FAR1: variants seen among roughly 807,000 people sequenced by gnomAD.
FAR1 encodes male sterility domain-containing protein 2.
A neutral mutation model predicts 61.1 loss-of-function variants in FAR1; 22 were observed. That is an observed-to-expected ratio of 0.36 (90% CI 0.26 to 0.51). FAR1 has a LOEUF of 0.51. FAR1 is among the 20% of genes least tolerant of loss of function. The pLI is 0.95. For synonymous variants in FAR1, 206 were observed against 209.7 expected, an observed-to-expected ratio of 0.98 and a Z score of 0.15; for missense variants, 359 against 626.9, an observed-to-expected ratio of 0.57 and a Z score of 4.56.
chr11:13,725,801 C>T (rs533002856), intron 10 of FAR1, among the ~76,000 whole-genome samples: 1 of 152,152 alleles, frequency 6.6e-6, no homozygotes, highest in East Asian at 1.9e-4. Flanking sequence ...TTTTTATTTT[C>T]AGTCTGACAA....
rs146203406 is a variant in FAR1, at chr11:13,681,904, T to C, written c.-7-12855T>C. On this transcript the variant is annotated intron_variant, in intron 1 of 11. Coordinates refer to ENST00000354817, the MANE Select transcript of FAR1 (RefSeq NM_032228.6). The stretch of plus-strand genomic sequence containing the variant: ...TAAATTCTGTGCTTTTTTATTATTA[T>C]TATTATATCAAGTTTTTGAACAAAG... Among the ~76,000 whole-genome samples the C allele has an allele frequency of 2.1e-3, 320 of 152,302 alleles. 2 individuals carry two copies. The highest frequency in any genetic ancestry group is 7.4e-3 in the African/African-American group (309 of 41,554).
intron 1 of FAR1, among the ~76,000 whole-genome samples, chr11:13,675,247 A>C (rs983948175): frequency 6.6e-6 from 1 of 152,176 alleles, no homozygotes; most frequent in South Asian, 2.1e-4. Context: ...GAGACTGTAC[A>C]TATGTGAAAC....
intron 3 of FAR1, among the ~76,000 whole-genome samples, chr11:13,701,600 CT>C (rs934941103): frequency 2.6e-5 from 4 of 152,106 alleles, no homozygotes; most frequent in South Asian, 2.1e-4. Context: ...ATTATTCCCC[CT>C]ATTGTCTTTA....
intron 1 of FAR1, among the ~76,000 whole-genome samples, chr11:13,670,548 T>C (rs1323796960): frequency 6.6e-6 from 1 of 152,154 alleles, no homozygotes; most frequent in Middle Eastern, 3.2e-3. Flanking sequence ...CGCCTCGGCC[T>C]CCCAAAGTGC....
Position 13,711,794 on chromosome 11 carries a change from G to A in FAR1, c.754G>A (p.Gly252Ser). The A allele has an allele frequency of 6.2e-7, 1 of 1,600,900 alleles. No individual in the cohort carries two copies. Among genetic ancestry groups the A allele is most frequent in the Non-Finnish European group, 8.5e-7 (1 of 1,175,314 alleles). ...GATTGATAACTTTAATGGACCAAGT[G>A]GTCTCTTTATTGCGGTAAGTAAACC... is the stretch of plus-strand genomic sequence containing the variant. The part of the protein sequence containing the change: ...GWIDNFNGPS[G>S]LFIAAGKGIL... The change falls in exon 6 of 12, where the codon GGT becomes AGT. Residue 252 changes from glycine (G) to serine (S), a missense_variant. This residue lies in a region of FAR1 where 344 missense variants were observed against 570.3 expected (regional missense o/e 0.60). Coordinates refer to ENST00000354817, the MANE Select transcript of FAR1 (RefSeq NM_032228.6).
At position 13,697,852 on chromosome 11, in the gene FAR1, C is replaced by T. The variant is rs142143487; in HGVS notation, c.190-2465C>T. On this transcript the variant is annotated intron_variant, in intron 2 of 11. Transcript: ENST00000354817. ...GGATTGATATTCTTCAAGTTTCAGG[C>T]TTAGGCCTTGTTTTCTCACTAGGTC... Among the ~76,000 whole-genome samples, 18 of 152,242 alleles carry T rather than the reference C, an allele frequency of 1.2e-4. 1 individual carries two copies. The Middle Eastern group carries it at 0.01, about 86-fold the overall frequency.
At chr11:13,681,340 T>G (rs1404654410) in intron 1 of FAR1, among the ~76,000 whole-genome samples, 1 of 152,180 alleles carries the variant, frequency 6.6e-6, no homozygotes, top group East Asian at 1.9e-4. Context: ...TAACAGGCAG[T>G]TACTTGATGC....
At chr11:13,693,166 C>A (rs1225392583) in intron 1 of FAR1, among the ~76,000 whole-genome samples, 5 of 152,136 alleles carry the variant, frequency 3.3e-5, no homozygotes, top group Non-Finnish European at 7.3e-5. Context: ...ACATAAAATA[C>A]ACTGACACTA....
intron 8 of FAR1, among the ~76,000 whole-genome samples, chr11:13,713,368 A>C (rs1017143766): frequency 6.7e-6 from 1 of 149,756 alleles, no homozygotes; most frequent in Non-Finnish European, 1.5e-5. Flanking sequence ...CTCAGTCTTG[A>C]TGTTGCCTAT....
At chr11:13,670,303 T>TTG (rs1449583068) in intron 1 of FAR1, among the ~76,000 whole-genome samples, 3 of 150,212 alleles carry the variant, frequency 2.0e-5, no homozygotes, top group East Asian at 2.0e-4. Context: ...TTTTATAAAT[T>TTG]TGTGTGTGTG....
At chr11:13,686,156 G>T (rs574196767) in intron 1 of FAR1, among the ~76,000 whole-genome samples, 1 of 152,138 alleles carries the variant, frequency 6.6e-6, no homozygotes, top group African/African-American at 2.4e-5. Context: ...GGGACCTCAG[G>T]CAAGAAAAGT....
chr11:13,685,344 A>G (rs377442284), intron 1 of FAR1, among the ~76,000 whole-genome samples: 2 of 152,050 alleles, frequency 1.3e-5, no homozygotes, highest in South Asian at 2.1e-4. Flanking sequence ...AACCCAGCCA[A>G]CTGGCACCTT....
At chr11:13,681,159 A>G (rs937387733) in intron 1 of FAR1, among the ~76,000 whole-genome samples, 4 of 152,216 alleles carry the variant, frequency 2.6e-5, no homozygotes, top group Admixed American at 6.5e-5. Context: ...ATTCTCGTTC[A>G]GTAGATGAGG....
In FAR1 at chr11:13,731,322, A is replaced by C. The variant is rs1429603416; in HGVS notation, c.*2548A>C. ...GTGTAATAAAGCTTGAAAGCAGGGAAAAGAATTTCCTTTTCCCCCTTTTTT... is the reference window on the plus strand; with the variant it reads ...GTGTAATAAAGCTTGAAAGCAGGGACAAGAATTTCCTTTTCCCCCTTTTTT... On this transcript the variant is annotated 3_prime_UTR_variant, in exon 12 of 12. Transcript: ENST00000354817. 1 of 152,584 alleles carries C rather than the reference A, an allele frequency of 6.6e-6. No homozygotes were observed. Among genetic ancestry groups the C allele is most frequent in the Non-Finnish European group, 1.5e-5 (1 of 68,002 alleles). The allele number at this position is 152,584 out of a possible 1,614,324, so 9.5% of individuals were successfully genotyped here.
intron 4 of FAR1, among the ~76,000 whole-genome samples, chr11:13,710,425 G>C (rs1301656169): frequency 6.6e-6 from 1 of 151,980 alleles, no homozygotes; most frequent in Non-Finnish European, 1.5e-5. Flanking sequence ...ATAAGTCAGT[G>C]TAGATCAGAT....
rs1462090981 is a variant in FAR1 at position 13,731,443 on chromosome 11, T to TG, written c.*2672dup. The TG allele has an allele frequency of 6.6e-6, 1 of 152,574 alleles. No homozygotes were observed. The highest frequency in any genetic ancestry group is 1.5e-5 in the Non-Finnish European group (1 of 68,016). The allele number at this position is 152,574 out of a possible 1,614,324, so 9.5% of individuals were successfully genotyped here. ...CTTTTATAAGAAATAAAAGCATTAT[T>TG]GGGTGCCTTTGTTTGTAAACCAAAA... is the stretch of plus-strand genomic sequence containing the variant. On this transcript the variant is annotated 3_prime_UTR_variant, in exon 12 of 12. Transcript: ENST00000354817.
chr11:13,728,014 C>T (rs1591274750), intron 11 of FAR1, among the ~76,000 whole-genome samples: 2 of 151,988 alleles, frequency 1.3e-5, no homozygotes, highest in East Asian at 3.9e-4. Context: ...TGATCTTTGA[C>T]TCCATATTCG....
chr11:13,714,467 C>T, intron 8 of FAR1, 42 bp from the exon 9 acceptor site: 2 of 1,508,892 alleles, frequency 1.3e-6, no homozygotes, highest in South Asian at 1.3e-5. Context: ...AACTTCATTA[C>T]ATGGTTATTA....
intron 2 of FAR1, among the ~76,000 whole-genome samples, chr11:13,698,984 G>A (rs1384686208): frequency 6.6e-6 from 1 of 152,112 alleles, no homozygotes; most frequent in Non-Finnish European, 1.5e-5. Flanking sequence ...CAGGCTGACT[G>A]AATTATTTTT....
Sources: gnomAD v4.1 joint callset for allele counts (sites outside exome capture counted in the v4.1 genomes callset) on GRCh38, gnomAD v4.1.1 for gene constraint, gnomAD v4.1.1 regional missense constraint, MANE v1.5 for transcripts, NCBI Gene and HGNC (gene_info 2026-07-23, HGNC 2026-07-21) for gene names.